XRCC5: variants seen among roughly 807,000 people sequenced by gnomAD.
The protein encoded by XRCC5 is DNA repair protein Ku80.
A neutral mutation model predicts 95.7 loss-of-function variants in XRCC5; 12 were observed. The ratio of observed to expected loss-of-function variants is 0.13; its 90% CI spans 0.08 to 0.20. The LOEUF is 0.20. Ranked by LOEUF, XRCC5 falls within the 10% of genes least tolerant of loss-of-function variation. The pLI is 1.00. For missense variants in XRCC5, 595 were observed against 873.9 expected (o/e 0.68, Z 4.02); for synonymous variants, 281 against 290.3 (o/e 0.97, Z 0.33).
intron 13 of XRCC5, among the ~76,000 whole-genome samples, chr2:216,142,008 C>T (rs1171442024): frequency 6.6e-6 from 1 of 151,870 alleles, no homozygotes; most frequent in Non-Finnish European, 1.5e-5. Context: ...TAGCCGAGAT[C>T]ACGACCCTGT....
intron 16 of XRCC5, among the ~76,000 whole-genome samples, chr2:216,177,176 AGG>A (rs1319997863): frequency 6.6e-6 from 1 of 152,232 alleles, no homozygotes; most frequent in Admixed American, 6.5e-5. Flanking sequence ...ACCTGTTACT[AGG>A]ACAAGTGTGC....
chr2:216,155,989 G>A (rs1235456628), intron 14 of XRCC5, among the ~76,000 whole-genome samples: 1 of 152,082 alleles, frequency 6.6e-6, no homozygotes, highest in Non-Finnish European at 1.5e-5. Context: ...CCTTTAAAAA[G>A]CTCACCCTTC....
chr2:216,126,510 T>A (rs1696902288), intron 7 of XRCC5, among the ~76,000 whole-genome samples: 1 of 152,224 alleles, frequency 6.6e-6, no homozygotes, highest in African/African-American at 2.4e-5. Flanking sequence ...ATAATATATG[T>A]ACATTTATAT....
intron 10 of XRCC5, among the ~76,000 whole-genome samples, chr2:216,134,415 T>TC (rs1697038500): frequency 6.6e-6 from 1 of 150,978 alleles, no homozygotes; most frequent in South Asian, 2.1e-4. Context: ...CATCCTTCCT[T>TC]CTTGTTTTTT....
chr2:216,132,819 T>C (rs1697015811), intron 10 of XRCC5, among the ~76,000 whole-genome samples: 1 of 152,214 alleles, frequency 6.6e-6, no homozygotes, highest in Non-Finnish European at 1.5e-5. Flanking sequence ...GTTTTCAGGC[T>C]GGTTTTTCTC....
intron 17 of XRCC5, among the ~76,000 whole-genome samples, chr2:216,191,433 C>T (rs1485660675): frequency 6.0e-5 from 9 of 150,136 alleles, no homozygotes; most frequent in East Asian, 1.9e-4. Context: ...TTTCTTGAGA[C>T]GGACTTTCAC....
intron 4 of XRCC5, among the ~76,000 whole-genome samples, chr2:216,118,291 C>G (rs1487362237): frequency 6.6e-6 from 1 of 151,838 alleles, no homozygotes; most frequent in African/African-American, 2.4e-5. Context: ...ATCCTTGCAT[C>G]TCAGCCTCCT....
intron 14 of XRCC5, among the ~76,000 whole-genome samples, chr2:216,156,167 A>G (rs1688838765): frequency 6.6e-6 from 1 of 152,228 alleles, no homozygotes; most frequent in African/African-American, 2.4e-5. Flanking sequence ...CAACATCCAT[A>G]TATCTGGAAA....
chr2:216,192,245 C>T (rs1689626985), intron 17 of XRCC5, among the ~76,000 whole-genome samples: 1 of 152,086 alleles, frequency 6.6e-6, no homozygotes, highest in South Asian at 2.1e-4. Flanking sequence ...CTGCCCAGCT[C>T]AGCCTCCCAA....
intron 14 of XRCC5, among the ~76,000 whole-genome samples, chr2:216,159,280 G>A (rs1688903760): frequency 6.6e-6 from 1 of 152,196 alleles, no homozygotes. Context: ...GCTTAAGGGA[G>A]ATTACAGGCA....
intron 18 of XRCC5, among the ~76,000 whole-genome samples, chr2:216,193,266 A>T (rs935590196): frequency 3.9e-5 from 6 of 152,200 alleles, no homozygotes; most frequent in Non-Finnish European, 7.3e-5. Context: ...GACAGCACAC[A>T]TTCTTTCAGT....
intron 14 of XRCC5, among the ~76,000 whole-genome samples, chr2:216,157,085 C>T (rs531066404): frequency 1.1e-4 from 16 of 152,310 alleles, no homozygotes; most frequent in African/African-American, 3.6e-4. Flanking sequence ...ACAGACAGCA[C>T]GCACGCTGCC....
chr2:216,202,462 A>G (rs998217175), intron 19 of XRCC5, among the ~76,000 whole-genome samples: 1 of 152,242 alleles, frequency 6.6e-6, no homozygotes, highest in Non-Finnish European at 1.5e-5. Context: ...TAGTAAATGT[A>G]TAGATTTTTT....
At chr2:216,135,389 A>G (rs1697058806) in intron 10 of XRCC5, among the ~76,000 whole-genome samples, 1 of 151,826 alleles carries the variant, frequency 6.6e-6, no homozygotes, top group South Asian at 2.1e-4. Context: ...CCAGTCAGTG[A>G]TCAGCTCAGT....
intron 5 of XRCC5, among the ~76,000 whole-genome samples, chr2:216,120,252 G>T (rs1696780809): frequency 6.6e-6 from 1 of 152,156 alleles, no homozygotes; most frequent in South Asian, 2.1e-4. Flanking sequence ...CACAGCTTCT[G>T]GTCCTTTTTC....
At chr2:216,163,586 G>A (rs1483021998) in intron 16 of XRCC5, among the ~76,000 whole-genome samples, 2 of 152,120 alleles carry the variant, frequency 1.3e-5, no homozygotes, top group African/African-American at 4.8e-5. Context: ...GGTGGCATGA[G>A]CCACCGTGCC....
intron 19 of XRCC5, among the ~76,000 whole-genome samples, chr2:216,195,728 C>T (rs981107434): frequency 6.6e-6 from 1 of 152,136 alleles, no homozygotes; most frequent in African/African-American, 2.4e-5. Flanking sequence ...TTATTTAGTT[C>T]AGTAGTCCTT....
intron 16 of XRCC5, among the ~76,000 whole-genome samples, chr2:216,187,394 C>G (rs577557638): frequency 6.0e-5 from 9 of 150,694 alleles, no homozygotes; most frequent in African/African-American, 1.9e-4. Flanking sequence ...TTTCCTGTAT[C>G]GTTGCAAATG....
chr2:216,156,292 C>G, intron 14 of XRCC5: 2 of 565,856 alleles, frequency 3.5e-6, no homozygotes, highest in South Asian at 1.5e-5. Context: ...AAAGCAGGTT[C>G]CAAAGGCAGG....
Sources: allele counts gnomAD v4.1 joint callset (sites outside exome capture counted in the v4.1 genomes callset), GRCh38; gene constraint gnomAD v4.1.1; transcripts MANE v1.5; gene names NCBI Gene and HGNC (gene_info 2026-07-23, HGNC 2026-07-21).